Variants in PIGK observed in about 807,000 individuals in gnomAD.
PIGK encodes phosphatidylinositol glycan anchor biosynthesis class K.
Under a neutral mutation model 50.6 loss-of-function variants are expected in PIGK, and 42 were observed. The ratio of observed to expected loss-of-function variants is 0.83; its 90% CI spans 0.65 to 1.07. The LOEUF is 1.07. Among genes scored for constraint, PIGK ranks in the 50% least tolerant of loss-of-function variants. The pLI, the probability that PIGK is intolerant of heterozygous loss-of-function variation, is 0.00. For missense variants in PIGK, 448 were observed against 488.7 expected (o/e 0.92, Z 0.78); for synonymous variants, 151 against 156.0 (o/e 0.97, Z 0.24).
chr1:77,191,711 CT>C (rs777583590), intron 3 of PIGK, among the ~76,000 whole-genome samples: 1 of 152,188 alleles, frequency 6.6e-6, no homozygotes, highest in Non-Finnish European at 1.5e-5. Flanking sequence ...TGAGCCATCA[CT>C]TTTATCATTT....
chr1:77,090,603 T>C lies in PIGK; in HGVS notation c.*1771A>G, dbSNP rs2100503275. The C allele has an allele frequency of 6.6e-6, 1 of 152,334 alleles. No individual in the cohort carries two copies. The highest frequency in any genetic ancestry group is 6.5e-5 in the Admixed American group (1 of 15,294). 9.4% of individuals were successfully genotyped at this position (152,334 alleles called of 1,614,324 possible). A position where few individuals can be genotyped will look rare whatever the true frequency, so the allele number is the denominator to read the frequency against. On this transcript the variant is annotated 3_prime_UTR_variant, in exon 11 of 11. Coordinates refer to ENST00000370812, the MANE Select transcript of PIGK (RefSeq NM_005482.3). ...TATGTTTCATTATATTCAAACTAAA[T>C]TACTTTGGCTCAAGAACAATCATAA...
intron 10 of PIGK, among the ~76,000 whole-genome samples, chr1:77,116,191 CTT>C (rs1318529706): frequency 1.3e-5 from 2 of 148,804 alleles, no homozygotes; most frequent in South Asian, 4.3e-4. Context: ...ACATCTTTCT[CTT>C]TTTTTTTTGA....
intron 2 of PIGK, among the ~76,000 whole-genome samples, chr1:77,208,850 C>T (rs1656352658): frequency 6.6e-6 from 1 of 152,076 alleles, no homozygotes; most frequent in Admixed American, 6.5e-5. Flanking sequence ...ATAGATAATT[C>T]ATTATCTATA....
At chr1:77,199,641 A>G (rs1383561046) in intron 3 of PIGK, among the ~76,000 whole-genome samples, 1 of 152,004 alleles carries the variant, frequency 6.6e-6, no homozygotes, top group Non-Finnish European at 1.5e-5. Context: ...TTGTAATGGC[A>G]TAAAAATAAA....
chr1:77,181,266 T>C (rs1352062256), intron 3 of PIGK, among the ~76,000 whole-genome samples: 1 of 152,060 alleles, frequency 6.6e-6, no homozygotes, highest in Non-Finnish European at 1.5e-5. Context: ...CTCCCTGAAA[T>C]TCCTCTGCAG....
intron 8 of PIGK, among the ~76,000 whole-genome samples, chr1:77,154,852 G>T (rs1337168940): frequency 6.6e-6 from 1 of 152,106 alleles, no homozygotes; most frequent in Admixed American, 6.6e-5. Flanking sequence ...TGGCCACTGT[G>T]GGAAAAGGCA....
chr1:77,207,064 G>T (rs1656304941), intron 2 of PIGK, among the ~76,000 whole-genome samples: 1 of 152,178 alleles, frequency 6.6e-6, no homozygotes, highest in Non-Finnish European at 1.5e-5. Context: ...CTACTTGGGA[G>T]GCTGAGGCAT....
intron 3 of PIGK, among the ~76,000 whole-genome samples, chr1:77,177,240 C>T (rs1304637459): frequency 6.6e-6 from 1 of 152,198 alleles, no homozygotes; most frequent in Non-Finnish European, 1.5e-5. Flanking sequence ...TGGGAATAGG[C>T]CCCCAAATCT....
intron 9 of PIGK, among the ~76,000 whole-genome samples, chr1:77,141,736 C>T (rs1419441317): frequency 1.3e-5 from 2 of 151,986 alleles, no homozygotes; most frequent in Non-Finnish European, 2.9e-5. Flanking sequence ...ATACTTTAAA[C>T]AATATTTACT....
intron 5 of PIGK, among the ~76,000 whole-genome samples, chr1:77,166,518 A>G (rs1655238454): frequency 6.6e-6 from 1 of 152,190 alleles, no homozygotes; most frequent in African/African-American, 2.4e-5. Flanking sequence ...AAATATAGAG[A>G]TAAGAAAATC....
intron 3 of PIGK, chr1:77,195,518 C>G: frequency 1.8e-6 from 1 of 552,332 alleles, no homozygotes; most frequent in South Asian, 2.8e-5. Flanking sequence ...TACGGAAATT[C>G]AAGAATAAGG....
At chr1:77,139,196 T>G (rs1654587723) in intron 9 of PIGK, among the ~76,000 whole-genome samples, 1 of 152,136 alleles carries the variant, frequency 6.6e-6, no homozygotes, top group South Asian at 2.1e-4. Flanking sequence ...GCCTTCCACA[T>G]TCATTCGGCA....
At chr1:77,149,352 C>T (rs923220928) in intron 9 of PIGK, among the ~76,000 whole-genome samples, 1 of 151,918 alleles carries the variant, frequency 6.6e-6, no homozygotes, top group Non-Finnish European at 1.5e-5. Flanking sequence ...ATGTTGCCTA[C>T]AAGAAACTCA....
chr1:77,179,021 G>A (rs1462332861), intron 3 of PIGK, among the ~76,000 whole-genome samples: 1 of 152,150 alleles, frequency 6.6e-6, no homozygotes, highest in Non-Finnish European at 1.5e-5. Flanking sequence ...CATGCGCTAG[G>A]CCCCAACAGA....
intron 10 of PIGK, among the ~76,000 whole-genome samples, chr1:77,097,264 T>C (rs1301215080): frequency 1.3e-5 from 2 of 151,974 alleles, no homozygotes; most frequent in African/African-American, 4.8e-5. Context: ...AGAGAGAAAC[T>C]CCAACTGCCA....
intron 9 of PIGK, among the ~76,000 whole-genome samples, chr1:77,133,588 CA>C (rs1654430543): frequency 6.6e-6 from 1 of 152,140 alleles, no homozygotes; most frequent in African/African-American, 2.4e-5. Context: ...AGGTTATATA[CA>C]GTGTTATTTT....
At chr1:77,139,650 C>T (rs1399432003) in intron 9 of PIGK, among the ~76,000 whole-genome samples, 1 of 152,154 alleles carries the variant, frequency 6.6e-6, no homozygotes, top group African/African-American at 2.4e-5. Flanking sequence ...GAGGGGGTGC[C>T]ACCAGCTCTG....
At chr1:77,105,767 C>CACA (rs2100514630) in intron 10 of PIGK, among the ~76,000 whole-genome samples, 2 of 152,260 alleles carry the variant, frequency 1.3e-5, no homozygotes, top group Admixed American at 1.3e-4. Context: ...TCTATTGGGG[C>CACA]TTTCACACTA....
At chr1:77,214,982 G>C (rs941327276) in intron 1 of PIGK, among the ~76,000 whole-genome samples, 3 of 152,030 alleles carry the variant, frequency 2.0e-5, no homozygotes, top group Non-Finnish European at 4.4e-5. Context: ...ACAAAATATT[G>C]ATGGAAAATG....
Sources: allele counts gnomAD v4.1 joint callset (sites outside exome capture counted in the v4.1 genomes callset), GRCh38; gene constraint gnomAD v4.1.1; transcripts MANE v1.5; gene names NCBI Gene and HGNC (gene_info 2026-07-23, HGNC 2026-07-21).